EYA4: variants seen among roughly 807,000 people sequenced by gnomAD.
EYA4 encodes the protein protein phosphatase EYA4.
Under a neutral mutation model 87.9 loss-of-function variants are expected in EYA4, and 31 were observed. That is an observed-to-expected ratio of 0.35 (90% CI 0.27 to 0.48). The LOEUF (loss-of-function observed/expected upper bound fraction) is 0.48. Among genes scored for constraint, EYA4 ranks in the 20% least tolerant of loss-of-function variants. The probability of loss-of-function intolerance (pLI) is 0.99; values close to 1 mark genes in which losing one functional copy is unlikely to be tolerated. For synonymous variants in EYA4, 263 were observed against 270.6 expected (o/e 0.97, Z 0.28); for missense variants, 678 against 761.4 (o/e 0.89, Z 1.29).
intron 2 of EYA4, among the ~76,000 whole-genome samples, chr6:133,301,573 A>G (rs886469902): frequency 2.0e-5 from 3 of 152,272 alleles, no homozygotes; most frequent in African/African-American, 7.2e-5. Context: ...TGTGTTAAGT[A>G]TTCTACATGT....
At chr6:133,247,050 A>G (rs1314086575) in intron 1 of EYA4, 1 of 152,198 alleles carries the variant, frequency 6.6e-6, no homozygotes, top group Non-Finnish European at 1.5e-5. Flanking sequence ...AAGGATAACT[A>G]GATATTAGAA....
At chr6:133,482,758 G>A (rs1242304228) in intron 12 of EYA4, among the ~76,000 whole-genome samples, 1 of 152,098 alleles carries the variant, frequency 6.6e-6, no homozygotes, top group Non-Finnish European at 1.5e-5. Context: ...AAGTCTGAAT[G>A]TATCTCTTTT....
chr6:133,251,294 A>G (rs572047624), intron 1 of EYA4, among the ~76,000 whole-genome samples: 1 of 152,294 alleles, frequency 6.6e-6, no homozygotes, highest in African/African-American at 2.4e-5. Context: ...GAGAATTTGT[A>G]TAATTTTCAA....
At chr6:133,285,089 C>G (rs148121845) in intron 2 of EYA4, among the ~76,000 whole-genome samples, 26,437 of 150,584 alleles carry the variant, frequency 0.18, 2,667 homozygotes, top group East Asian at 0.42. Context: ...CTCCACCTCC[C>G]GGGTTCACGC....
intron 11 of EYA4, among the ~76,000 whole-genome samples, chr6:133,474,714 A>G (rs1448614677): frequency 1.3e-5 from 2 of 152,164 alleles, no homozygotes; most frequent in African/African-American, 4.8e-5. Flanking sequence ...CAGATCTGGC[A>G]TACGGCCAAA....
chr6:133,409,033 C>A (rs1411841432), intron 3 of EYA4, among the ~76,000 whole-genome samples: 1 of 152,152 alleles, frequency 6.6e-6, no homozygotes, highest in Non-Finnish European at 1.5e-5. Flanking sequence ...AAGTTAGTGA[C>A]TCAGTGGTCC....
intron 1 of EYA4, among the ~76,000 whole-genome samples, chr6:133,252,323 A>G (rs536637893): frequency 5.9e-5 from 9 of 152,354 alleles, no homozygotes; most frequent in African/African-American, 1.9e-4. Context: ...GAAATTTTCA[A>G]AAGAATTATG....
intron 14 of EYA4, among the ~76,000 whole-genome samples, chr6:133,507,523 C>G (rs1562499563): frequency 2.0e-5 from 3 of 152,156 alleles, no homozygotes; most frequent in African/African-American, 7.2e-5. Context: ...TATCCCTCTC[C>G]TAGCCCTCCA....
At chr6:133,261,817 C>A (rs753254999) in intron 1 of EYA4, among the ~76,000 whole-genome samples, 1 of 150,914 alleles carries the variant, frequency 6.6e-6, no homozygotes, top group Non-Finnish European at 1.5e-5. Flanking sequence ...CTTCCACTCT[C>A]ACTAGCAAGC....
intron 2 of EYA4, among the ~76,000 whole-genome samples, chr6:133,281,152 TA>T (rs1777593219): frequency 6.6e-6 from 1 of 152,168 alleles, no homozygotes; most frequent in South Asian, 2.1e-4. Flanking sequence ...GTTATAAGGT[TA>T]CTTCTTTTTT....
rs1033752816 is a variant in EYA4 at position 133,515,610 on chromosome 6, A to AGT, written c.1616+185_1616+186dup. Reference sequence around the variant, plus strand: ...ATGTGCATGAGAGAGAGAGAGAGAGAGTGTGTGTGTGAGTGTGTGTGTGTG... The same window carrying AGT: ...ATGTGCATGAGAGAGAGAGAGAGAGAGTGTGTGTGTGTGAGTGTGTGTGTGTG... On this transcript the variant is annotated intron_variant, in intron 17 of 19. Coordinates refer to ENST00000355286, the MANE Select transcript of EYA4 (RefSeq NM_004100.5). Among the ~76,000 whole-genome samples, 7 of 131,594 alleles carry AGT rather than the reference A, an allele frequency of 5.3e-5. No individual in the cohort carries two copies. In the East Asian group the frequency reaches 1.1e-3, roughly 21 times the overall value. 86.3% of individuals were successfully genotyped at this position (131,594 alleles called of 152,430 possible).
chr6:133,341,473 A>C (rs1782773195), intron 2 of EYA4, among the ~76,000 whole-genome samples: 1 of 152,218 alleles, frequency 6.6e-6, no homozygotes, highest in African/African-American at 2.4e-5. Flanking sequence ...ATGTGGATAA[A>C]ACATTAACAG....
intron 2 of EYA4, chr6:133,363,365 A>G (rs1184091225): frequency 3.9e-5 from 6 of 152,260 alleles, no homozygotes; most frequent in Non-Finnish European, 8.8e-5. Context: ...AGGAAGCAGC[A>G]TTCACCCTTG....
chr6:133,515,309 T>C lies in EYA4; in HGVS notation c.1502-12T>C. 6.9e-7 allele frequency: 1 copy of C among 1,451,528 alleles called. No individual in the cohort carries two copies. Among genetic ancestry groups the C allele is most frequent in the Non-Finnish European group, 9.7e-7 (1 of 1,031,414 alleles). 89.9% of individuals were successfully genotyped at this position (1,451,528 alleles called of 1,614,324 possible). A position where few individuals can be genotyped will look rare whatever the true frequency, so the allele number is the denominator to read the frequency against. On this transcript the variant is annotated splice_polypyrimidine_tract_variant and intron_variant, in intron 16 of 19. Coordinates refer to ENST00000355286, the MANE Select transcript of EYA4 (RefSeq NM_004100.5). ...CATCTCTCGACTCTGCCTTGGTTTT[T>C]TGGTGTTGCAGGACTCCTTGGCCCT...
chr6:133,386,413 G>A (rs1484258043), intron 3 of EYA4, among the ~76,000 whole-genome samples: 1 of 151,862 alleles, frequency 6.6e-6, no homozygotes. Context: ...CTGATAATGA[G>A]GTGAGGAAAT....
At chr6:133,397,488 A>AT (rs1425566737) in intron 3 of EYA4, among the ~76,000 whole-genome samples, 3 of 152,112 alleles carry the variant, frequency 2.0e-5, no homozygotes, top group South Asian at 2.1e-4. Context: ...TGGAAAGGTT[A>AT]TTTTTTTGTG....
At chr6:133,494,026 A>G (rs1797414897) in intron 13 of EYA4, among the ~76,000 whole-genome samples, 1 of 152,248 alleles carries the variant, frequency 6.6e-6, no homozygotes, top group Non-Finnish European at 1.5e-5. Context: ...AGGTTCCTCA[A>G]AAACCAAAAA....
At chr6:133,476,221 A>G (rs781287518) in intron 11 of EYA4, among the ~76,000 whole-genome samples, 7 of 152,134 alleles carry the variant, frequency 4.6e-5, no homozygotes, top group African/African-American at 1.7e-4. Context: ...GCTGATTAAC[A>G]TATGCATTAC....
At chr6:133,376,786 T>C (rs987228461) in intron 2 of EYA4, among the ~76,000 whole-genome samples, 1 of 152,000 alleles carries the variant, frequency 6.6e-6, no homozygotes, top group African/African-American at 2.4e-5. Context: ...ATTTTCCAGA[T>C]ATTGAAAGTA....
Sources: allele counts gnomAD v4.1 joint callset (sites outside exome capture counted in the v4.1 genomes callset), GRCh38; gene constraint gnomAD v4.1.1; transcripts MANE v1.5; gene names NCBI Gene and HGNC (gene_info 2026-07-23, HGNC 2026-07-21).